CDH4: variants seen among roughly 807,000 people sequenced by gnomAD.
CDH4 encodes the protein cadherin-4.
A neutral mutation model predicts 86.0 loss-of-function variants in CDH4; 33 were observed. The observed-to-expected ratio is 0.38, with a 90% confidence interval of 0.29 to 0.51. CDH4 has a LOEUF of 0.51. Ranked by LOEUF, CDH4 falls within the 20% of genes least tolerant of loss-of-function variation. CDH4 has a pLI of 0.86. For missense variants in CDH4, 1,114 were observed against 1,307.4 expected, an observed-to-expected ratio of 0.85 and a Z score of 2.28; for synonymous variants, 555 against 549.4, an observed-to-expected ratio of 1.01 and a Z score of -0.14.
intron 2 of CDH4, among the ~76,000 whole-genome samples, chr20:61,603,701 T>C (rs895267597): frequency 2.6e-5 from 4 of 152,176 alleles, no homozygotes; most frequent in African/African-American, 9.6e-5. Context: ...AGCAGCAAAG[T>C]GCCTGGGGTG....
At chr20:61,759,719 T>G (rs2088609731) in intron 3 of CDH4, among the ~76,000 whole-genome samples, 1 of 152,212 alleles carries the variant, frequency 6.6e-6, no homozygotes, top group Non-Finnish European at 1.5e-5. Context: ...TTAAGGTGTT[T>G]CTAACTAAAC....
chr20:61,650,986 G>A (rs1408121379), intron 2 of CDH4, among the ~76,000 whole-genome samples: 20 of 152,268 alleles, frequency 1.3e-4, no homozygotes, highest in Admixed American at 1.2e-3. Context: ...CCCATGGCGT[G>A]CAGCACAGAG....
intron 2 of CDH4, among the ~76,000 whole-genome samples, chr20:61,263,934 C>T (rs1474496093): frequency 6.6e-6 from 1 of 152,100 alleles, no homozygotes; most frequent in Non-Finnish European, 1.5e-5. Context: ...CTGGTCACAT[C>T]CACCTCTCTC....
intron 4 of CDH4, among the ~76,000 whole-genome samples, chr20:61,778,938 A>G (rs901668045): frequency 4.5e-4 from 68 of 152,160 alleles, no homozygotes; most frequent in African/African-American, 1.6e-3. Context: ...CAGGGGAGAG[A>G]GGATATAGAG....
At chr20:61,550,012 C>CCCTGGCGTCCTTGT (rs1568888416) in intron 2 of CDH4, among the ~76,000 whole-genome samples, 1 of 151,646 alleles carries the variant, frequency 6.6e-6, no homozygotes, top group Admixed American at 6.5e-5. Context: ...CTCACTGCAG[C>CCCTGGCGTCCTTGT]CCTGGCCTCC....
chr20:61,679,041 G>T (rs1380273751), intron 2 of CDH4, among the ~76,000 whole-genome samples: 1 of 152,200 alleles, frequency 6.6e-6, no homozygotes, highest in African/African-American at 2.4e-5. Flanking sequence ...AGGTTGCCTA[G>T]GGTTCCGGTT....
intron 2 of CDH4, among the ~76,000 whole-genome samples, chr20:61,514,611 C>T (rs979742942): frequency 1.3e-5 from 2 of 152,186 alleles, no homozygotes; most frequent in African/African-American, 4.8e-5. Context: ...CGGGGCCTAG[C>T]AGGCCCCTAA....
At chr20:61,742,929 GGTGGGGCCAGGGTCTGCCCTGGCCACA>G (rs2088361702) in intron 2 of CDH4, among the ~76,000 whole-genome samples, 1 of 152,164 alleles carries the variant, frequency 6.6e-6, no homozygotes, top group Non-Finnish European at 1.5e-5. Flanking sequence ...GAAAGCACTT[GGTGGGGCCAGGGTCTGCCCTGGCCACA>G]CCTGCCTAGC....
intron 2 of CDH4, chr20:61,719,696 G>C (rs2088008905): frequency 6.5e-6 from 1 of 153,970 alleles, no homozygotes; most frequent in Admixed American, 6.4e-5. Flanking sequence ...GGGAAAGCTG[G>C]TGTCTCTCTC....
chr20:61,296,258 TGTGCGTGTGTGTGTGTGCGTGG>T (rs1212147296), intron 2 of CDH4, among the ~76,000 whole-genome samples: 5,083 of 20,638 alleles, frequency 0.25, 218 homozygotes, highest in East Asian at 0.51. Context: ...TGTGTGCATG[TGTGCGTGTGTGTGTGTGCGTGG>T]GTGCGTGTGT....
intron 4 of CDH4, among the ~76,000 whole-genome samples, chr20:61,835,677 T>A (rs1981838882): frequency 6.6e-6 from 1 of 152,192 alleles, no homozygotes; most frequent in South Asian, 2.1e-4. Flanking sequence ...CACTCGTCCC[T>A]CCCGCTGGTT....
intron 7 of CDH4, among the ~76,000 whole-genome samples, chr20:61,882,061 G>C (rs150546633): frequency 6.6e-6 from 1 of 152,340 alleles, no homozygotes; most frequent in East Asian, 1.9e-4. Context: ...CAAGCCCCTG[G>C]ATGGAGCCGG....
Position 61,708,744 on chromosome 20 carries a change from C to G in CDH4, c.170-34819C>G, listed in dbSNP as rs1353209274. Among the ~76,000 whole-genome samples the G allele has an allele frequency of 6.6e-6, 1 of 152,208 alleles. No homozygotes were observed. The highest frequency in any genetic ancestry group is 1.5e-5 in the Non-Finnish European group (1 of 68,040). ...AGCCTCACATGAGGCGGCGCTGCCT[C>G]TGCGGAGGCCCCTTCTCTGAGTGTG... On this transcript the variant is annotated intron_variant, in intron 2 of 15. Transcript: ENST00000614565. The surrounding 1 kb of genome is among the most constrained non-coding windows in gnomAD (Gnocchi z 4.5).
intron 2 of CDH4, among the ~76,000 whole-genome samples, chr20:61,431,177 A>G (rs1219782040): frequency 6.6e-6 from 1 of 152,198 alleles, no homozygotes; most frequent in African/African-American, 2.4e-5. Context: ...GTGGATTTTA[A>G]CTTTAAAACT....
chr20:61,572,093 T>C (rs950915142), intron 2 of CDH4, among the ~76,000 whole-genome samples: 1 of 152,078 alleles, frequency 6.6e-6, no homozygotes, highest in African/African-American at 2.4e-5. Context: ...GTTTTTATCC[T>C]GAGGGCTGCT....
intron 2 of CDH4, among the ~76,000 whole-genome samples, chr20:61,265,533 T>C (rs887762947): frequency 4.6e-5 from 7 of 152,042 alleles, no homozygotes; most frequent in African/African-American, 1.7e-4. Context: ...CTTCATTCAA[T>C]CTTACACGGA....
At position 61,759,647 on chromosome 20, in the gene CDH4, A is replaced by G. The variant is rs1403195752; in HGVS notation, c.397-13356A>G. Reference sequence around the variant, plus strand: ...TAATACATTTTCCCTTAACTTGCTAATTTAATTTAATTTTTTTTTTACTAT... The same window carrying G: ...TAATACATTTTCCCTTAACTTGCTAGTTTAATTTAATTTTTTTTTTACTAT... On this transcript the variant is annotated intron_variant, in intron 3 of 15. Transcript: ENST00000614565. Among the ~76,000 whole-genome samples, 5 of 150,810 alleles carry G rather than the reference A, an allele frequency of 3.3e-5. No individual in the cohort carries two copies. In the East Asian group the frequency reaches 9.7e-4, roughly 29 times the overall value.
chr20:61,585,971 A>G (rs1052313526), intron 2 of CDH4, among the ~76,000 whole-genome samples: 8 of 99,766 alleles, frequency 8.0e-5, no homozygotes, highest in Non-Finnish European at 1.7e-4. Context: ...GGTGATGGTG[A>G]TGATGTGATG....
chr20:61,284,129 A>AC (rs1452542238), intron 2 of CDH4, among the ~76,000 whole-genome samples: 2 of 142,902 alleles, frequency 1.4e-5, no homozygotes, highest in Non-Finnish European at 3.0e-5. Flanking sequence ...CACGGTGAAA[A>AC]CCCATCTCTA....
Sources: allele counts gnomAD v4.1 joint callset (sites outside exome capture counted in the v4.1 genomes callset), GRCh38; gene constraint gnomAD v4.1.1; non-coding constraint Gnocchi (gnomAD v3.1); transcripts MANE v1.5; gene names NCBI Gene and HGNC (gene_info 2026-07-23, HGNC 2026-07-21).